The following MTMR8 variants were observed in gnomAD, a reference collection of about 807,000 sequenced individuals.
MTMR8 encodes the protein phosphatidylinositol-3,5-bisphosphate 3-phosphatase MTMR8.
MTMR8 carries 65 observed loss-of-function variants against 39.3 expected under a neutral mutation model. The observed-to-expected ratio is 1.65, with a 90% CI of 1.35 to 2.03. The LOEUF is 2.03. Among genes scored for constraint, MTMR8 ranks in the 30% most tolerant of loss-of-function variants. MTMR8 has a pLI of 0.00. For synonymous variants in MTMR8, 245 were observed against 185.2 expected, an observed-to-expected ratio of 1.32 and a Z score of -2.62; for missense variants, 777 against 538.9, an observed-to-expected ratio of 1.44 and a Z score of -4.37.
At chrX:64,354,587 G>C (rs1165754519) in intron 4 of MTMR8, among the ~76,000 whole-genome samples, 190 bp downstream of exon 4, 1 of 111,709 alleles carries the variant, frequency 9.0e-6, no homozygotes. Context: ...TATGCTTTAG[G>C]CCATGAGATC....
chrX:64,321,636 G>C (rs1444258886), intron 12 of MTMR8, among the ~76,000 whole-genome samples: 1 of 111,700 alleles, frequency 9.0e-6, no homozygotes, highest in Non-Finnish European at 1.9e-5. Flanking sequence ...AAAAGGATAG[G>C]AGTGATAGAA....
intron 12 of MTMR8, among the ~76,000 whole-genome samples, chrX:64,281,010 C>T (rs750399478): frequency 9.0e-6 from 1 of 110,856 alleles, no homozygotes; most frequent in East Asian, 2.9e-4. Context: ...AGGACCTCTT[C>T]AAGGAGAACT....
intron 1 of MTMR8, among the ~76,000 whole-genome samples, chrX:64,389,428 A>T (rs1454993470): frequency 3.6e-5 from 4 of 112,318 alleles, no homozygotes; most frequent in African/African-American, 1.3e-4. Context: ...AAAAAGACAC[A>T]ACCCTAAAAC....
chrX:64,270,586 G>A (rs1328641486), intron 13 of MTMR8, among the ~76,000 whole-genome samples: 6 of 112,276 alleles, frequency 5.3e-5, no homozygotes, highest in Admixed American at 4.7e-4. Flanking sequence ...TTGGAAAACA[G>A]CAATTGCACT....
At position 64,331,587 on chromosome X, in the gene MTMR8, C is replaced by G. The variant is rs1242325279; in HGVS notation, c.1322G>C (p.Gly441Ala). The G allele has an allele frequency of 3.3e-6, 4 of 1,210,463 alleles. No individual in the cohort carries two copies. In the East Asian group the frequency reaches 1.2e-4, roughly 36 times the overall value. Residue 441 changes from glycine to alanine, a missense_variant, in exon 11 of 14, where the codon GGT (glycine) becomes GCT (alanine). Transcript: ENST00000374852. ...VFSCQFGNFL[G>A]NCQKDREDLR... ...ATCTTCCCGATCCTTCTGGCAGTTA[C>G]CAAGGAAGTTTCCAAACTGGCAGGA...
At chrX:64,269,671 C>A (rs1217338195) in intron 13 of MTMR8, among the ~76,000 whole-genome samples, 1 of 110,807 alleles carries the variant, frequency 9.0e-6, no homozygotes, top group Non-Finnish European at 1.9e-5. Context: ...AAATTATGGA[C>A]CTTCTCTTCA....
intron 12 of MTMR8, among the ~76,000 whole-genome samples, chrX:64,273,129 G>A: frequency 9.0e-6 from 1 of 111,566 alleles, no homozygotes; most frequent in South Asian, 3.7e-4. Flanking sequence ...TATAAAAGTT[G>A]TTGGTGAAGG....
chrX:64,308,781 C>T (rs1922207145), intron 12 of MTMR8, among the ~76,000 whole-genome samples: 1 of 111,171 alleles, frequency 9.0e-6, no homozygotes, highest in Admixed American at 9.6e-5. Context: ...AGTGTGTAAG[C>T]TCTGTGTCTA....
At chrX:64,354,202 T>A (rs1458729432) in intron 4 of MTMR8, among the ~76,000 whole-genome samples, 1 of 105,312 alleles carries the variant, frequency 9.5e-6, no homozygotes, top group Admixed American at 1.0e-4. Context: ...AAAAAGAGGA[T>A]CCTCAACGGG....
intron 12 of MTMR8, among the ~76,000 whole-genome samples, chrX:64,297,277 C>T (rs1404504399): frequency 9.2e-6 from 1 of 108,210 alleles, no homozygotes; most frequent in Non-Finnish European, 1.9e-5. Context: ...GCCATTCTAA[C>T]TGGTGTGAGA....
intron 12 of MTMR8, among the ~76,000 whole-genome samples, chrX:64,272,144 G>A (rs894552492): frequency 1.8e-5 from 2 of 111,757 alleles, no homozygotes; most frequent in African/African-American, 6.5e-5. Context: ...TGGGGTGAGA[G>A]TGGATTCTTC....
chrX:64,350,308 C>T (rs1462567968), intron 4 of MTMR8, among the ~76,000 whole-genome samples: 2 of 109,584 alleles, frequency 1.8e-5, no homozygotes, highest in Non-Finnish European at 3.8e-5. Context: ...TGAAAGAGTA[C>T]ATCATATTTC....
At chrX:64,291,621 C>T (rs1176012479) in intron 12 of MTMR8, among the ~76,000 whole-genome samples, 1 of 111,079 alleles carries the variant, frequency 9.0e-6, no homozygotes, top group African/African-American at 3.3e-5. Flanking sequence ...TTACAAGTGG[C>T]AACAAGGATG....
chrX:64,369,444 C>A, intron 1 of MTMR8, among the ~76,000 whole-genome samples: 1 of 111,429 alleles, frequency 9.0e-6, no homozygotes, highest in Admixed American at 9.5e-5. Context: ...ATAAAAACGG[C>A]TGAGTTCATG....
intron 12 of MTMR8, among the ~76,000 whole-genome samples, chrX:64,289,635 G>GAAAAAAAAAAAAAAAAAAA (rs1921327676): frequency 4.9e-5 from 1 of 20,586 alleles, no homozygotes; most frequent in African/African-American, 7.6e-4. Context: ...AGACTCCATC[G>GAAAAAAAAAAAAAAAAAAA]CAAAAAAAAA....
chrX:64,281,109 A>C (rs1203255811), intron 12 of MTMR8, among the ~76,000 whole-genome samples: 1 of 111,773 alleles, frequency 8.9e-6, no homozygotes, highest in Non-Finnish European at 1.9e-5. Flanking sequence ...GTATCACGAA[A>C]ATGGCCATAC....
chrX:64,362,098 C>A (rs146438370), intron 1 of MTMR8, among the ~76,000 whole-genome samples: 1 of 109,643 alleles, frequency 9.1e-6, no homozygotes, highest in African/African-American at 3.3e-5. Context: ...TATATAGAAT[C>A]TAGAAATTAG....
intron 1 of MTMR8, among the ~76,000 whole-genome samples, chrX:64,381,772 A>AT (rs1176351219): frequency 9.0e-6 from 1 of 111,333 alleles, no homozygotes; most frequent in African/African-American, 3.3e-5. Context: ...TCTTGAATTA[A>AT]TTTTTGTATA....
At chrX:64,383,682 A>G (rs7061685) in intron 1 of MTMR8, among the ~76,000 whole-genome samples, 1 of 109,504 alleles carries the variant, frequency 9.1e-6, no homozygotes. Context: ...AACTCACACA[A>G]TATCATGAGA....
Sources: gnomAD v4.1 joint callset for allele counts (sites outside exome capture counted in the v4.1 genomes callset) on GRCh38, gnomAD v4.1.1 for gene constraint, MANE v1.5 for transcripts, NCBI Gene and HGNC (gene_info 2026-07-23, HGNC 2026-07-21) for gene names.